Variants in PREX1 observed in about 807,000 individuals in gnomAD.
PREX1 encodes the protein phosphatidylinositol 3,4,5-trisphosphate-dependent Rac exchanger 1 protein.
In PREX1, 41 loss-of-function variants were observed where a neutral mutation model predicts 198.3. That is an observed-to-expected ratio of 0.21 (90% CI 0.16 to 0.27). The LOEUF (loss-of-function observed/expected upper bound fraction) is 0.27, where lower values mean the gene tolerates loss of function less well. Ranked by LOEUF, PREX1 falls within the 10% of genes least tolerant of loss-of-function variation. PREX1 has a pLI of 1.00. For missense variants in PREX1, 1,620 were observed against 2,200.7 expected (o/e 0.74, Z 5.28); for synonymous variants, 843 against 887.2 (o/e 0.95, Z 0.89).
intron 18 of PREX1, among the ~76,000 whole-genome samples, chr20:48,655,783 A>C (rs1400387582): frequency 6.6e-6 from 1 of 152,010 alleles, no homozygotes; most frequent in Non-Finnish European, 1.5e-5. Context: ...CCCTAGAAAA[A>C]CACCCACACA....
At chr20:48,793,880 A>C (rs1174141517) in intron 1 of PREX1, among the ~76,000 whole-genome samples, 1 of 152,194 alleles carries the variant, frequency 6.6e-6, no homozygotes, top group Non-Finnish European at 1.5e-5. Context: ...ATGGGAAGAA[A>C]CCATTCTGGG....
Position 48,659,948 on chromosome 20 carries a change from C to T in PREX1, c.1852G>A (p.Val618Met). 6.2e-7 allele frequency: 1 copy of T among 1,614,238 alleles called. No homozygotes were observed. The highest frequency in any genetic ancestry group is 1.1e-5 in the South Asian group (1 of 91,082). Residue 618 changes from valine (V) to methionine (M), a missense_variant, in exon 16 of 40, where the codon GTG becomes ATG. Around this residue, in one of 7 missense-constraint regions of PREX1, gnomAD observed 488 missense variants for 802.5 expected, o/e 0.61. Coordinates refer to ENST00000371941, the MANE Select transcript of PREX1 (RefSeq NM_020820.4). ...NKQLRNDFKL[V>M]ENILAKRLLI... ...AGGCGCTTGGCCAGAATGTTCTCCA[C>T]CAGCTTGAAGTCGTTGCGAAGCTGT...
intron 1 of PREX1, among the ~76,000 whole-genome samples, chr20:48,797,899 T>G (rs929936904): frequency 6.6e-6 from 1 of 152,208 alleles, no homozygotes; most frequent in Non-Finnish European, 1.5e-5. Context: ...TCAAGATTCC[T>G]CAGCCTGGAT....
intron 1 of PREX1, chr20:48,821,780 A>G (rs1323695443): frequency 6.6e-6 from 1 of 152,232 alleles, no homozygotes; most frequent in East Asian, 1.9e-4. Context: ...TCTCTCCAAG[A>G]AAGGGGTGCC....
In PREX1 at chr20:48,722,706, G is replaced by A. The variant is rs769997384; in HGVS notation, c.621+3584C>T. Among the ~76,000 whole-genome samples the A allele has an allele frequency of 2.6e-5, 4 of 152,188 alleles. No individual in the cohort carries two copies. The East Asian group carries it at 7.7e-4, about 29-fold the overall frequency. ...GCAGCAAAGGAGACCAAGATCAAGC[G>A]GCCAGAGAGCTGGGGGCAAAGGTGG... On this transcript the variant is annotated intron_variant, in intron 5 of 39. Coordinates refer to ENST00000371941, the MANE Select transcript of PREX1 (RefSeq NM_020820.4).
intron 1 of PREX1, among the ~76,000 whole-genome samples, chr20:48,790,011 A>G (rs1170803262): frequency 6.6e-6 from 1 of 152,232 alleles, no homozygotes; most frequent in East Asian, 1.9e-4. Flanking sequence ...TGAACCCATT[A>G]GCAAAGAAGT....
At chr20:48,713,698 C>T (rs1438260077) in intron 5 of PREX1, among the ~76,000 whole-genome samples, 1 of 151,590 alleles carries the variant, frequency 6.6e-6, no homozygotes, top group African/African-American at 2.4e-5. Context: ...AATCGGGCCA[C>T]TGCACTCCAG....
intron 1 of PREX1, among the ~76,000 whole-genome samples, chr20:48,816,369 T>A (rs554622153): frequency 6.6e-6 from 1 of 152,294 alleles, no homozygotes; most frequent in East Asian, 1.9e-4. Flanking sequence ...CCCTGGAGGA[T>A]CCTTTCCCAT....
At chr20:48,718,323 A>G (rs2089971272) in intron 5 of PREX1, among the ~76,000 whole-genome samples, 1 of 152,204 alleles carries the variant, frequency 6.6e-6, no homozygotes, top group Non-Finnish European at 1.5e-5. Context: ...GATGGTGGTG[A>G]TTGATGGTGA....
intron 1 of PREX1, among the ~76,000 whole-genome samples, chr20:48,814,335 TA>T (rs1352315017): frequency 5.9e-5 from 9 of 152,038 alleles, no homozygotes; most frequent in African/African-American, 1.9e-4. Context: ...ACTAAACAAA[TA>T]AATCAACAAG....
intron 1 of PREX1, among the ~76,000 whole-genome samples, chr20:48,793,200 T>C (rs2090346412): frequency 6.6e-6 from 1 of 152,058 alleles, no homozygotes; most frequent in African/African-American, 2.4e-5. Flanking sequence ...CAAGAAACTG[T>C]CTCAAAATAA....
the PREX1 span, among the ~76,000 whole-genome samples, chr20:48,872,486 G>A: frequency 1.3e-5 from 2 of 152,162 alleles, no homozygotes; most frequent in African/African-American, 4.8e-5. Flanking sequence ...GCTCATGCCT[G>A]TAATCTCAGC....
At chr20:48,709,334 G>A (rs949385195) in intron 5 of PREX1, among the ~76,000 whole-genome samples, 8 of 152,060 alleles carry the variant, frequency 5.3e-5, no homozygotes, top group African/African-American at 7.2e-5. Flanking sequence ...CTGCTCCCTC[G>A]ACGATCCAGA....
intron 1 of PREX1, among the ~76,000 whole-genome samples, chr20:48,818,079 G>A (rs2090466584): frequency 6.6e-6 from 1 of 152,156 alleles, no homozygotes; most frequent in Admixed American, 6.5e-5. Context: ...GAGGTGGAGG[G>A]CTGAGCCACG....
At chr20:48,714,080 T>C (rs2089950440) in intron 5 of PREX1, among the ~76,000 whole-genome samples, 1 of 152,102 alleles carries the variant, frequency 6.6e-6, no homozygotes, top group Non-Finnish European at 1.5e-5. Context: ...CACACAAAAA[T>C]GGACTCAAAA....
At chr20:48,755,297 C>G (rs1346920761) in intron 1 of PREX1, among the ~76,000 whole-genome samples, 1 of 152,196 alleles carries the variant, frequency 6.6e-6, no homozygotes, top group Non-Finnish European at 1.5e-5. Flanking sequence ...AATACCCATA[C>G]TACAAGAAAC....
At chr20:48,782,795 A>G (rs1297818698) in intron 1 of PREX1, among the ~76,000 whole-genome samples, 1 of 152,218 alleles carries the variant, frequency 6.6e-6, no homozygotes, top group Non-Finnish European at 1.5e-5. Context: ...AGCAGGCTCA[A>G]TAAAGGATTC....
chr20:48,853,300 G>C, the PREX1 span, among the ~76,000 whole-genome samples: 1 of 152,158 alleles, frequency 6.6e-6, no homozygotes, highest in Non-Finnish European at 1.5e-5. Flanking sequence ...AAATACCCAA[G>C]ACTGGGTAAT....
the PREX1 span, among the ~76,000 whole-genome samples, chr20:48,840,196 G>A: frequency 6.6e-6 from 1 of 151,896 alleles, no homozygotes; most frequent in Non-Finnish European, 1.5e-5. Context: ...TGTATTTTTT[G>A]TAAGGACAGG....
Sources: allele counts gnomAD v4.1 joint callset (sites outside exome capture counted in the v4.1 genomes callset), GRCh38; gene constraint gnomAD v4.1.1; regional missense constraint gnomAD v4.1.1; transcripts MANE v1.5; gene names NCBI Gene and HGNC (gene_info 2026-07-23, HGNC 2026-07-21).